HOOK1: variants seen among roughly 807,000 people sequenced by gnomAD.
HOOK1 encodes the protein protein Hook homolog 1.
A neutral mutation model predicts 112.8 loss-of-function variants in HOOK1; 60 were observed. The ratio of observed to expected loss-of-function variants is 0.53; its 90% CI spans 0.43 to 0.66. The LOEUF (loss-of-function observed/expected upper bound fraction) is 0.66, where lower values mean the gene tolerates loss of function less well. Among genes scored for constraint, HOOK1 ranks in the 30% least tolerant of loss-of-function variants. The pLI, the probability that HOOK1 is intolerant of heterozygous loss-of-function variation, is 0.00. For missense variants in HOOK1, 770 were observed against 856.0 expected (o/e 0.90, Z 1.25); for synonymous variants, 294 against 283.8 (o/e 1.04, Z -0.36).
intron 5 of HOOK1, among the ~76,000 whole-genome samples, chr1:59,833,803 C>T (rs10489420): frequency 0.098 from 14,838 of 152,100 alleles, 1,127 homozygotes; most frequent in African/African-American, 0.2. Context: ...GTACATAAGA[C>T]TTAGTGGATA....
chr1:59,836,957 A>G lies in HOOK1; in HGVS notation c.537+22A>G, dbSNP rs756463350. ...ACAGGTGAGTATTTTAGTATGGAAGAAAAATGTTGAAAGCAATGTTAGGGT... is the reference window on the plus strand; with the variant it reads ...ACAGGTGAGTATTTTAGTATGGAAGGAAAATGTTGAAAGCAATGTTAGGGT... On this transcript the variant is annotated intron_variant, in intron 7 of 21. Coordinates refer to ENST00000371208, the MANE Select transcript of HOOK1 (RefSeq NM_015888.6). The G allele has an allele frequency of 4.0e-6, 6 of 1,487,374 alleles. No individual in the cohort carries two copies. The South Asian group carries it at 7.1e-5, about 18-fold the overall frequency. The allele number at this position is 1,487,374 out of a possible 1,614,324, so 92.1% of individuals were successfully genotyped here.
At chr1:59,829,101 T>C (rs978495442) in intron 3 of HOOK1, among the ~76,000 whole-genome samples, 1 of 152,148 alleles carries the variant, frequency 6.6e-6, no homozygotes, top group African/African-American at 2.4e-5. Flanking sequence ...TAGGTAGCTA[T>C]AGATCTGTTT....
intron 17 of HOOK1, 87 bp downstream of exon 17, chr1:59,864,753 T>A: frequency 2.3e-6 from 2 of 859,182 alleles, no homozygotes; most frequent in Non-Finnish European, 3.7e-6. Flanking sequence ...GGATTTTGTC[T>A]AGAAAAGCAA....
rs1229629802 is a variant in HOOK1, at chr1:59,851,540, T to A, written c.1242+2357T>A. Among the ~76,000 whole-genome samples, 3 of 151,672 alleles carry A rather than the reference T, an allele frequency of 2.0e-5. No individual in the cohort carries two copies. The East Asian group carries it at 5.8e-4, about 29-fold the overall frequency. On this transcript the variant is annotated intron_variant, in intron 12 of 21. Coordinates refer to ENST00000371208, the MANE Select transcript of HOOK1 (RefSeq NM_015888.6). ...ATCTTCCAGCCTTTTTGAATTTGTT[T>A]ACTAGTTATAGTTTTTTGGTAAGTT...
intron 3 of HOOK1, 54 bp downstream of exon 3, chr1:59,828,906 G>T: frequency 7.3e-7 from 1 of 1,369,550 alleles, no homozygotes; most frequent in Admixed American, 2.0e-5. Context: ...CCTAAAGTTA[G>T]CACTAAGTTA....
At position 59,849,435 on chromosome 1, in the gene HOOK1, G is replaced by A. The variant is rs375311278; in HGVS notation, c.1242+252G>A. On this transcript the variant is annotated intron_variant, in intron 12 of 21. Transcript: ENST00000371208. Reference sequence around the variant, plus strand: ...AATATTTTCTAATTCTAGACTGTCAGTTGCATGGGATCAAGGACCATAGAT... The same window carrying A: ...AATATTTTCTAATTCTAGACTGTCAATTGCATGGGATCAAGGACCATAGAT... 9.9e-5 allele frequency among the ~76,000 whole-genome samples: 15 copies of A among 151,722 alleles called. No homozygotes were observed. In the East Asian group the frequency reaches 1.9e-3, roughly 20 times the overall value.
rs936026755 is a variant in HOOK1 at position 59,866,181 on chromosome 1, C to T, written c.1845+209C>T. ...CAGTGTCAGATAAAATAGGCCATAGCTAATAGGGACTGTTTAGACAGACTG... is the reference window on the plus strand; with the variant it reads ...CAGTGTCAGATAAAATAGGCCATAGTTAATAGGGACTGTTTAGACAGACTG... On this transcript the variant is annotated intron_variant, in intron 19 of 21. Transcript: ENST00000371208. 2.6e-5 allele frequency among the ~76,000 whole-genome samples: 4 copies of T among 152,140 alleles called. 1 individual carries two copies. In the South Asian group the frequency reaches 8.3e-4, roughly 31 times the overall value.
intron 2 of HOOK1, among the ~76,000 whole-genome samples, chr1:59,823,263 T>C (rs929912939): frequency 6.6e-6 from 1 of 152,160 alleles, no homozygotes; most frequent in Non-Finnish European, 1.5e-5. Context: ...GAGCTCACAG[T>C]GAGCCGAGAT....
At chr1:59,866,649 T>C (rs1339269190) in intron 19 of HOOK1, among the ~76,000 whole-genome samples, 1 of 152,186 alleles carries the variant, frequency 6.6e-6, no homozygotes, top group Non-Finnish European at 1.5e-5. Context: ...AGGAGATATG[T>C]AATGGGCGAG....
intron 8 of HOOK1, among the ~76,000 whole-genome samples, chr1:59,841,509 AG>A (rs2098400996): frequency 6.6e-6 from 1 of 152,184 alleles, no homozygotes; most frequent in Admixed American, 6.6e-5. Flanking sequence ...TGTAAAAACC[AG>A]TCCTCTGTAT....
chr1:59,827,259 C>T (rs2098390704), intron 2 of HOOK1, among the ~76,000 whole-genome samples: 1 of 152,148 alleles, frequency 6.6e-6, no homozygotes, highest in South Asian at 2.1e-4. Flanking sequence ...GAGACCCACC[C>T]ACATTATGGA....
rs1357145056 is a variant in HOOK1, at chr1:59,873,728, T to TAC, written c.*764_*765insCA. The TAC allele has an allele frequency of 1.4e-5, 1 of 70,468 alleles. No individual in the cohort carries two copies. Among genetic ancestry groups the TAC allele is most frequent in the Admixed American group, 1.3e-4 (1 of 7,560 alleles). 4.4% of individuals were successfully genotyped at this position (70,468 alleles called of 1,614,324 possible). A position where few individuals can be genotyped will look rare whatever the true frequency, so the allele number is the denominator to read the frequency against. ...TGACTTTCTGATGGAAAGCAAGCTA[T>TAC]ATATATATATATATATATATATATA... On this transcript the variant is annotated 3_prime_UTR_variant, in exon 22 of 22. Coordinates refer to ENST00000371208, the MANE Select transcript of HOOK1 (RefSeq NM_015888.6).
chr1:59,841,281 G>A (rs1481130654), intron 8 of HOOK1, among the ~76,000 whole-genome samples: 1 of 152,138 alleles, frequency 6.6e-6, no homozygotes, highest in African/African-American at 2.4e-5. Flanking sequence ...TGAATAATGA[G>A]CTAAATTTGT....
intron 8 of HOOK1, among the ~76,000 whole-genome samples, chr1:59,842,160 T>C (rs2098401358): frequency 6.6e-6 from 1 of 151,646 alleles, no homozygotes; most frequent in Non-Finnish European, 1.5e-5. Flanking sequence ...GTGTTGTTTT[T>C]CCTCTGTCAG....
chr1:59,855,982 ATATTTTTTTTTTTT>A (rs1482584496), intron 12 of HOOK1, among the ~76,000 whole-genome samples: 6 of 65,004 alleles, frequency 9.2e-5, no homozygotes, highest in Non-Finnish European at 1.7e-4. Flanking sequence ...ATATATATAT[ATATTTTTTTTTTTT>A]TTTTTTTTTT....
intron 9 of HOOK1, among the ~76,000 whole-genome samples, chr1:59,844,607 A>C (rs2098402677): frequency 6.6e-6 from 1 of 151,960 alleles, no homozygotes; most frequent in Non-Finnish European, 1.5e-5. Context: ...AAAATTGAGA[A>C]TCAGCTGATC....
intron 21 of HOOK1, among the ~76,000 whole-genome samples, 191 bp from the exon 22 acceptor site, chr1:59,872,604 G>T (rs1644073356): frequency 6.6e-6 from 1 of 152,048 alleles, no homozygotes; most frequent in African/African-American, 2.4e-5. Context: ...TAGAGAAAAT[G>T]GATTTTGTGC....
chr1:59,858,451 T>C lies in HOOK1; in HGVS notation c.1266T>C (p.Thr422=). 6.2e-7 allele frequency: 1 copy of C among 1,612,664 alleles called. No homozygotes were observed. The highest frequency in any genetic ancestry group is 1.1e-5 in the South Asian group (1 of 91,050). ...EKERLIEQRD[T]LKETNEELRC... is the part of the protein sequence containing the mutation. ...AGAGACTAATTGAGCAGCGTGATAC[T>C]TTGAAAGAAACAAATGAAGAGCTTC... Residue 422 remains threonine (T), a synonymous_variant, in exon 13 of 22, where the codon ACT becomes ACC. Coordinates refer to ENST00000371208, the MANE Select transcript of HOOK1 (RefSeq NM_015888.6).
In HOOK1 at chr1:59,872,867, G is replaced by A. The variant is rs1644079032; in HGVS notation, c.2089G>A (p.Ala697Thr). The A allele has an allele frequency of 3.3e-6, 5 of 1,510,944 alleles. No homozygotes were observed. The highest frequency in any genetic ancestry group is 3.6e-6 in the Non-Finnish European group (4 of 1,119,682). 93.6% of individuals were successfully genotyped at this position (1,510,944 alleles called of 1,614,324 possible). Reference sequence around the variant, plus strand: ...CGGTGGTGCCTGCAGTGACACTGGTGCGTGCACTCCTGCGCGGTCTTTCTT... The same window carrying A: ...CGGTGGTGCCTGCAGTGACACTGGTACGTGCACTCCTGCGCGGTCTTTCTT... ...SGGGACSDTG[A>T]CTPARSFLAQ... The change falls in exon 22 of 22, where the codon GCG (alanine) becomes ACG (threonine). Residue 697 changes from alanine (A) to threonine (T), a missense_variant. Around this residue, in one of 3 missense-constraint regions of HOOK1, gnomAD observed 111 missense variants for 111.8 expected, o/e 0.99. Coordinates refer to ENST00000371208, the MANE Select transcript of HOOK1 (RefSeq NM_015888.6).
Sources: allele counts gnomAD v4.1 joint callset (sites outside exome capture counted in the v4.1 genomes callset), GRCh38; gene constraint gnomAD v4.1.1; regional missense constraint gnomAD v4.1.1; transcripts MANE v1.5; gene names NCBI Gene and HGNC (gene_info 2026-07-23, HGNC 2026-07-21).